DENND4A: variants seen among roughly 807,000 people sequenced by gnomAD.
DENND4A encodes C-myc promoter-binding protein.
DENND4A carries 70 observed loss-of-function variants against 199.3 expected under a neutral mutation model. The observed-to-expected ratio is 0.35, with a 90% CI of 0.29 to 0.43. The LOEUF is 0.43. Among genes scored for constraint, DENND4A ranks in the 20% least tolerant of loss-of-function variants. DENND4A has a pLI of 1.00. For synonymous variants in DENND4A, 686 were observed against 766.9 expected, an observed-to-expected ratio of 0.89 and a Z score of 1.74; for missense variants, 1,723 against 2,255.8, an observed-to-expected ratio of 0.76 and a Z score of 4.78.
chr15:65,683,863 C>T (rs1428185579), intron 23 of DENND4A, among the ~76,000 whole-genome samples: 2 of 152,148 alleles, frequency 1.3e-5, no homozygotes, highest in African/African-American at 2.4e-5. Context: ...AGTAAGATAC[C>T]TCATGCCCAT....
Position 65,752,610 on chromosome 15 carries a change from T to C in DENND4A, c.330A>G (p.Lys110=), listed in dbSNP as rs752631309. 12 of 1,544,892 alleles carry C rather than the reference T, an allele frequency of 7.8e-6. No homozygotes were observed. In the Admixed American group the frequency reaches 2.0e-4, roughly 26 times the overall value. Residue 110 remains lysine (K), a synonymous_variant, in exon 4 of 33, where the codon AAA becomes AAG. Coordinates refer to ENST00000443035, the MANE Select transcript of DENND4A (RefSeq NM_001320835.1). The part of the protein sequence containing the change: ...LTDLGVLYDW[K]ERLKQGCEII... The stretch of plus-strand genomic sequence containing the variant: ...TTTCACAACCCTGTTTCAATCTTTC[T>C]TTCCAGTCATATAAAACCCTAAAAA...
rs776176046 is a variant in DENND4A at position 65,676,485 on chromosome 15, A to C, written c.4329T>G (p.Asp1443Glu). ...AACTTTCCAGGCTTATTCGGCTGAGATCAATTCTCTTAGTCCCTGAAGTAG... is the reference window on the plus strand; with the variant it reads ...AACTTTCCAGGCTTATTCGGCTGAGCTCAATTCTCTTAGTCCCTGAAGTAG... ...TSATSGTKRI[D>E]LSRISLESSA... The change falls in exon 24 of 33, where the codon GAT becomes GAG. Residue 1443 changes from aspartate to glutamate, a missense_variant. Physicochemically the swap from Asp to Glu is conservative, Grantham distance 45 (BLOSUM62 2). Around this residue, in one of 6 missense-constraint regions of DENND4A, gnomAD observed 650 missense variants for 738.1 expected, o/e 0.88. Transcript: ENST00000443035. The C allele has an allele frequency of 6.2e-7, 1 of 1,612,356 alleles. No homozygotes were observed. The highest frequency in any genetic ancestry group is 2.2e-5 in the East Asian group (1 of 44,810).
At position 65,706,074 on chromosome 15, in the gene DENND4A, T is replaced by C. The variant is rs1373118519; in HGVS notation, c.2087+17A>G. On this transcript the variant is annotated intron_variant, in intron 15 of 32. Transcript: ENST00000443035. ...TGCTTCTCTCTTTCAATCTCAAACA[T>C]TCTGCCTCTTGAATACCTGTACTGT... The C allele has an allele frequency of 6.5e-7, 1 of 1,535,034 alleles. No homozygotes were observed. Among genetic ancestry groups the C allele is most frequent in the Non-Finnish European group, 8.8e-7 (1 of 1,141,624 alleles).
rs1176028905 is a variant in DENND4A at position 65,671,681 on chromosome 15, C to T, written c.4464+111G>A. Reference sequence around the variant, plus strand: ...CTGGGATTACAGGCGTGAGCCACCGCGCCCAGCCTATGTATTTAACTTCTA... The same window carrying T: ...CTGGGATTACAGGCGTGAGCCACCGTGCCCAGCCTATGTATTTAACTTCTA... On this transcript the variant is annotated intron_variant, in intron 25 of 32. Transcript: ENST00000443035. 25 of 770,780 alleles carry T rather than the reference C, an allele frequency of 3.2e-5. 1 individual carries two copies. The highest frequency in any genetic ancestry group is 8.2e-5 in the South Asian group (5 of 60,964). The allele number at this position is 770,780 out of a possible 1,614,324, so 47.7% of individuals were successfully genotyped here.
At chr15:65,727,122 G>A (rs973920448) in intron 11 of DENND4A, among the ~76,000 whole-genome samples, 4 of 151,690 alleles carry the variant, frequency 2.6e-5, no homozygotes, top group South Asian at 2.1e-4. Flanking sequence ...CAAACCAGCC[G>A]GGACAACACT....
At chr15:65,685,942 T>G (rs1346683758) in intron 23 of DENND4A, among the ~76,000 whole-genome samples, 1 of 152,226 alleles carries the variant, frequency 6.6e-6, no homozygotes, top group East Asian at 1.9e-4. Context: ...TGTAGTAAAT[T>G]TTGAAATTGG....
intron 14 of DENND4A, among the ~76,000 whole-genome samples, chr15:65,710,279 A>G (rs1488111340): frequency 6.6e-6 from 1 of 152,248 alleles, no homozygotes; most frequent in Non-Finnish European, 1.5e-5. Flanking sequence ...TAGGCCAAAA[A>G]TAAAAGGGAA....
At chr15:65,670,438 G>C (rs903136162) in intron 25 of DENND4A, among the ~76,000 whole-genome samples, 2 of 152,142 alleles carry the variant, frequency 1.3e-5, no homozygotes, top group Non-Finnish European at 2.9e-5. Flanking sequence ...AGAGTAAAAT[G>C]TGCTGTGGTT....
chr15:65,761,125 G>A (rs1406174060), intron 2 of DENND4A, among the ~76,000 whole-genome samples: 1 of 152,072 alleles, frequency 6.6e-6, no homozygotes. Flanking sequence ...AAAGGGAACC[G>A]TATACTTCAC....
chr15:65,787,734 C>T (rs2077602899), intron 1 of DENND4A, among the ~76,000 whole-genome samples: 1 of 152,120 alleles, frequency 6.6e-6, no homozygotes, highest in Non-Finnish European at 1.5e-5. Flanking sequence ...AGGCTACTGG[C>T]AGAGAAACAG....
chr15:65,676,141 A>AAAAAAAAAATATATATAT, intron 24 of DENND4A, among the ~76,000 whole-genome samples: 1 of 110,466 alleles, frequency 9.1e-6, no homozygotes, highest in South Asian at 3.5e-4. Context: ...AATAAGGAAA[A>AAAAAAAAAATATATATAT]ATATATATAT....
chr15:65,697,465 T>C (rs578169592), intron 20 of DENND4A, 82 bp from the exon 21 acceptor site: 2 of 821,364 alleles, frequency 2.4e-6, no homozygotes, highest in South Asian at 3.3e-5. Context: ...CATACTAGTG[T>C]TTGGATTTCC....
chr15:65,663,941 C>T (rs189844477), intron 32 of DENND4A, among the ~76,000 whole-genome samples: 1 of 152,222 alleles, frequency 6.6e-6, no homozygotes, highest in Admixed American at 6.5e-5. Context: ...CATGAGCTAC[C>T]GCACCCGGCT....
chr15:65,661,809 ACT>A lies in DENND4A; in HGVS notation c.*40_*41del. ...TCTAAAAGTGTTATTTTATACACTG[ACT>A]ATACAATATACATTGAATGTTTACA... On this transcript the variant is annotated 3_prime_UTR_variant, in exon 33 of 33. Coordinates refer to ENST00000443035, the MANE Select transcript of DENND4A (RefSeq NM_001320835.1). 6.6e-7 allele frequency: 1 copy of A among 1,512,612 alleles called. No homozygotes were observed. The highest frequency in any genetic ancestry group is 9.0e-7 in the Non-Finnish European group (1 of 1,115,918). The allele number at this position is 1,512,612 out of a possible 1,614,324, so 93.7% of individuals were successfully genotyped here. A position where few individuals can be genotyped will look rare whatever the true frequency, so the allele number is the denominator to read the frequency against.
chr15:65,676,137 GA>G (rs929892402), intron 24 of DENND4A, among the ~76,000 whole-genome samples: 1 of 96,822 alleles, frequency 1.0e-5, no homozygotes, highest in Non-Finnish European at 2.1e-5. Flanking sequence ...AAGTAATAAG[GA>G]AAAATATATA....
At chr15:65,744,271 C>G (rs947415437) in intron 4 of DENND4A, among the ~76,000 whole-genome samples, 4 of 152,128 alleles carry the variant, frequency 2.6e-5, no homozygotes, top group Non-Finnish European at 5.9e-5. Flanking sequence ...ATGGAGAAGA[C>G]TGTGGATAAA....
chr15:65,662,501 C>T (rs1454638716), intron 32 of DENND4A, among the ~76,000 whole-genome samples: 1 of 151,926 alleles, frequency 6.6e-6, no homozygotes, highest in Non-Finnish European at 1.5e-5. Flanking sequence ...CACATGGCAA[C>T]AGATGGAGCT....
intron 1 of DENND4A, among the ~76,000 whole-genome samples, chr15:65,769,141 A>T (rs1057114755): frequency 6.6e-6 from 1 of 152,108 alleles, no homozygotes. Flanking sequence ...TCATGCATAT[A>T]AAAACGCATA....
rs2077147933 is a variant in DENND4A, at chr15:65,696,434, G to T, written c.3014C>A (p.Ser1005Tyr). ...ACCAGTGAGGCGAACGATACTGGAAGAATTTTGATAACTGAGCTTAGGAAG... is the reference window on the plus strand; with the variant it reads ...ACCAGTGAGGCGAACGATACTGGAATAATTTTGATAACTGAGCTTAGGAAG... ...DCLPKLSYQN[S>Y]SSIVRLTGTS... is the part of the protein sequence containing the mutation. The change falls in exon 22 of 33, where the codon TCT becomes TAT. Residue 1005 changes from serine to tyrosine, a missense_variant. Ser to Tyr is a moderately radical substitution (Grantham distance 144, BLOSUM62 -2). Transcript: ENST00000443035. The T allele has an allele frequency of 1.2e-6, 2 of 1,612,732 alleles. No homozygotes were observed. The highest frequency in any genetic ancestry group is 1.3e-5 in the African/African-American group (1 of 74,862).
Sources: allele counts gnomAD v4.1 joint callset (sites outside exome capture counted in the v4.1 genomes callset), GRCh38; gene constraint gnomAD v4.1.1; regional missense constraint gnomAD v4.1.1; transcripts MANE v1.5; gene names NCBI Gene and HGNC (gene_info 2026-07-23, HGNC 2026-07-21).